RNF128: variants seen among roughly 807,000 people sequenced by gnomAD.
RNF128 encodes E3 ubiquitin-protein ligase RNF128.
Under a neutral mutation model 26.2 loss-of-function variants are expected in RNF128, and 13 were observed. The ratio of observed to expected loss-of-function variants is 0.50; its 90% CI spans 0.32 to 0.79. The LOEUF (loss-of-function observed/expected upper bound fraction) is 0.79, where lower values mean the gene tolerates loss of function less well. RNF128 is among the 30% of genes least tolerant of loss of function. The pLI is 0.03. For synonymous variants in RNF128, 149 were observed against 142.5 expected (o/e 1.05, Z -0.32); for missense variants, 315 against 349.7 (o/e 0.90, Z 0.79).
intron 1 of RNF128, among the ~76,000 whole-genome samples, chrX:106,746,387 C>T (rs1929795955): frequency 9.0e-6 from 1 of 110,814 alleles, no homozygotes. Flanking sequence ...TACATTTTAA[C>T]ACGTTAATAT....
At chrX:106,770,440 A>C (rs1323387638) in intron 1 of RNF128, among the ~76,000 whole-genome samples, 1 of 110,832 alleles carries the variant, frequency 9.0e-6, no homozygotes, top group Non-Finnish European at 1.9e-5. Context: ...GGCTTTGTTC[A>C]TTTCTTTTTA....
chrX:106,756,021 A>G (rs1036712510), intron 1 of RNF128, among the ~76,000 whole-genome samples: 2 of 110,358 alleles, frequency 1.8e-5, no homozygotes, highest in Non-Finnish European at 3.8e-5. Flanking sequence ...TAGGAATCCA[A>G]CTTACAAGGG....
intron 1 of RNF128, among the ~76,000 whole-genome samples, 188 bp from the exon 2 acceptor site, chrX:106,772,725 A>T: frequency 9.0e-6 from 1 of 111,177 alleles, no homozygotes; most frequent in Non-Finnish European, 1.9e-5. Flanking sequence ...AAAATCGGTA[A>T]CCAAATCTCA....
chrX:106,695,419 C>G lies in RNF128; in HGVS notation c.406+1011C>G, dbSNP rs146022365. 9.6e-3 allele frequency among the ~76,000 whole-genome samples: 1,070 copies of G among 111,434 alleles called. 5 individuals are homozygous for G. Among genetic ancestry groups the G allele is most frequent in the Non-Finnish European group, 0.015 (793 of 52,897 alleles). The stretch of plus-strand genomic sequence containing the variant: ...AGAATAGTATGGTGCTTGGAATGTT[C>G]CAAGTTGTACACATACAATATCACT... On this transcript the variant is annotated intron_variant, in intron 1 of 6. Coordinates refer to the RNF128 transcript ENST00000324342.
intron 1 of RNF128, among the ~76,000 whole-genome samples, chrX:106,731,821 A>G (rs1929506831): frequency 9.0e-6 from 1 of 111,456 alleles, no homozygotes; most frequent in Non-Finnish European, 1.9e-5. Flanking sequence ...CTTGCTTTCA[A>G]TACCCTGCTT....
chrX:106,777,750 G>C (rs972695908), intron 2 of RNF128, among the ~76,000 whole-genome samples: 1 of 111,237 alleles, frequency 9.0e-6, no homozygotes, highest in African/African-American at 3.3e-5. Context: ...CGGGTGGATC[G>C]CTTGAGCCCA....
chrX:106,792,919 G>A (rs1322265641), intron 6 of RNF128, among the ~76,000 whole-genome samples: 1 of 111,857 alleles, frequency 8.9e-6, no homozygotes, highest in Non-Finnish European at 1.9e-5. Context: ...AATTTTGTCT[G>A]GGATTACATA....
intron 1 of RNF128, among the ~76,000 whole-genome samples, chrX:106,706,991 T>C (rs1460298862): frequency 8.9e-6 from 1 of 112,026 alleles, no homozygotes; most frequent in East Asian, 2.8e-4. Context: ...CTTTTTTGGC[T>C]AACAGTTTAT....
chrX:106,758,048 C>T (rs1188616758), intron 1 of RNF128, among the ~76,000 whole-genome samples: 1 of 112,246 alleles, frequency 8.9e-6, no homozygotes, highest in Non-Finnish European at 1.9e-5. Flanking sequence ...CTAAAGGCCC[C>T]ACAACAAACT....
Position 106,787,447 on chromosome X carries a change from G to C in RNF128, c.805-471G>C, listed in dbSNP as rs762248869. On this transcript the variant is annotated intron_variant, in intron 3 of 6. Coordinates refer to ENST00000255499, the MANE Select transcript of RNF128 (RefSeq NM_194463.2). The stretch of plus-strand genomic sequence containing the variant: ...CCAGGAGGTGGGGATGAGAGGAAAG[G>C]TTAACTACAAAGAGTTTAGAGGAGT... 7.2e-5 allele frequency among the ~76,000 whole-genome samples: 8 copies of C among 111,036 alleles called. No homozygotes were observed. The South Asian group carries it at 3.0e-3, about 42-fold the overall frequency.
At position 106,780,353 on chromosome X, in the gene RNF128, T is replaced by G. The variant is rs966307428; in HGVS notation, c.733-4712T>G. On this transcript the variant is annotated intron_variant, in intron 2 of 6. Transcript: ENST00000255499. ...ACATTTTATCATCAACCCCAATATA[T>G]TCCCATTCAGAATCAAGAAAAAAAA... 3.6e-5 allele frequency among the ~76,000 whole-genome samples: 4 copies of G among 109,985 alleles called. No homozygotes were observed. In the Admixed American group the frequency reaches 3.8e-4, roughly 11 times the overall value.
intron 4 of RNF128, among the ~76,000 whole-genome samples, chrX:106,789,660 G>A (rs755123916): frequency 1.0e-4 from 11 of 106,181 alleles, no homozygotes; most frequent in African/African-American, 3.7e-4. Context: ...AAAATAAAAT[G>A]AAATCATGCA....
intron 1 of RNF128, among the ~76,000 whole-genome samples, chrX:106,756,477 G>A (rs1930012273): frequency 9.1e-6 from 1 of 110,272 alleles, no homozygotes; most frequent in Admixed American, 9.6e-5. Flanking sequence ...ACAAAAACAA[G>A]CAATGGGGAA....
upstream of RNF128, among the ~76,000 whole-genome samples, chrX:106,724,269 G>A (rs1326765055): frequency 1.8e-5 from 2 of 110,618 alleles, no homozygotes; most frequent in Admixed American, 1.9e-4. Flanking sequence ...TTCTCTTCAT[G>A]TCCACTACCT....
intron 6 of RNF128, among the ~76,000 whole-genome samples, chrX:106,795,280 A>C (rs182027740): frequency 1.2e-4 from 13 of 111,558 alleles, no homozygotes; most frequent in African/African-American, 4.2e-4. Flanking sequence ...AGCTTGTTAT[A>C]TTTAAGGTAA....
At chrX:106,779,348 CGTGTGTGTGTGTGT>C (rs372716238) in intron 2 of RNF128, among the ~76,000 whole-genome samples, 475 of 90,104 alleles carry the variant, frequency 5.3e-3, no homozygotes, top group African/African-American at 0.018. Flanking sequence ...TACACAGTTA[CGTGTGTGTGTGTGT>C]GTGTGTGTGT....
chrX:106,716,128 A>G (rs903624700), intron 1 of RNF128, among the ~76,000 whole-genome samples: 6 of 111,500 alleles, frequency 5.4e-5, no homozygotes, highest in Non-Finnish European at 9.4e-5. Context: ...ATTTGTGTCC[A>G]TCAAAAATCC....
intron 1 of RNF128, among the ~76,000 whole-genome samples, chrX:106,731,986 C>T (rs1176015909): frequency 1.8e-5 from 2 of 111,635 alleles, no homozygotes; most frequent in South Asian, 7.5e-4. Flanking sequence ...TTTTGGACTA[C>T]ATTTATCAGC....
intron 1 of RNF128, among the ~76,000 whole-genome samples, chrX:106,707,764 G>A (rs1929067548): frequency 9.1e-6 from 1 of 109,981 alleles, no homozygotes; most frequent in Non-Finnish European, 1.9e-5. Flanking sequence ...TTTAAAAGCT[G>A]TAGGGTCTTT....
Sources: allele counts gnomAD v4.1 joint callset (sites outside exome capture counted in the v4.1 genomes callset), GRCh38; gene constraint gnomAD v4.1.1; transcripts MANE v1.5; gene names NCBI Gene and HGNC (gene_info 2026-07-23, HGNC 2026-07-21).